The following LRRC70 variants were observed in gnomAD, a reference collection of about 807,000 sequenced individuals.
The protein encoded by LRRC70 is leucine rich repeat containing 70.
LRRC70 carries 31 observed loss-of-function variants against 42.4 expected under a neutral mutation model. The ratio of observed to expected loss-of-function variants is 0.73; its 90% CI spans 0.55 to 0.99. The LOEUF is 0.99. Ranked by LOEUF, LRRC70 falls within the 50% of genes least tolerant of loss-of-function variation. The probability of loss-of-function intolerance (pLI) is 0.00; values close to 1 mark genes in which losing one functional copy is unlikely to be tolerated. For missense variants in LRRC70, 643 were observed against 707.5 expected (o/e 0.91, Z 1.03); for synonymous variants, 270 against 262.9 (o/e 1.03, Z -0.26).
At position 62,580,899 on chromosome 5, in the gene LRRC70, A is replaced by T; in HGVS notation, c.1461A>T (p.Gln487His). 1 of 1,551,364 alleles carries T rather than the reference A, an allele frequency of 6.4e-7. No homozygotes were observed. The highest frequency in any genetic ancestry group is 1.7e-4 in the Middle Eastern group (1 of 5,992). Reference sequence around the variant, plus strand: ...CAGCAGTGTTACCTGTGCAAATACAACTTACTACTTCTGTTACCTTGAACT... The same window carrying T: ...CAGCAGTGTTACCTGTGCAAATACATCTTACTACTTCTGTTACCTTGAACT... ...ETTAVLPVQI[Q>H]LTTSVTLNLE... Residue 487 changes from glutamine (Q) to histidine (H), a missense_variant, in exon 2 of 2, where the codon CAA becomes CAT. Physicochemically the swap from Gln to His is conservative, Grantham distance 24. Transcript: ENST00000334994.
Position 62,580,991 on chromosome 5 carries a change from C to T in LRRC70, c.1553C>T (p.Thr518Ile). The T allele has an allele frequency of 6.4e-7, 1 of 1,551,250 alleles. No homozygotes were observed. Among genetic ancestry groups the T allele is most frequent in the Non-Finnish European group, 8.7e-7 (1 of 1,146,840 alleles). Reference sequence around the variant, plus strand: ...TCAGGGAAAACATCTCTAATTTGTACACAAGAAGTTGAGAAGTTGAATGAG... The same window carrying T: ...TCAGGGAAAACATCTCTAATTTGTATACAAGAAGTTGAGAAGTTGAATGAG... ...SMSGKTSLIC[T>I]QEVEKLNEAF... The change falls in exon 2 of 2, where the codon ACA becomes ATA. Residue 518 changes from threonine (T) to isoleucine (I), a missense_variant. Transcript: ENST00000334994.
chr5:62,579,349 A>G, intron 1 of LRRC70, 52 bp from the exon 2 acceptor site: 1 of 1,170,910 alleles, frequency 8.5e-7, no homozygotes, highest in Non-Finnish European at 1.2e-6. Context: ...TATAAAAAAA[A>G]TTCATTTGAT....
At position 62,580,294 on chromosome 5, in the gene LRRC70, A is replaced by G; in HGVS notation, c.856A>G (p.Asn286Asp). Residue 286 changes from asparagine (N) to aspartate (D), a missense_variant, in exon 2 of 2, where the codon AAT becomes GAT. Coordinates refer to ENST00000334994, the MANE Select transcript of LRRC70 (RefSeq NM_181506.5). ...NNLKHLILSH[N>D]DLENLNSDTF... is the part of the protein sequence containing the mutation. ...TCTTAAACATTTGATCTTAAGTCAT[A>G]ATGATTTAGAGAATTTAAATTCTGA... 6.5e-7 allele frequency: 1 copy of G among 1,538,254 alleles called. No homozygotes were observed. Among genetic ancestry groups the G allele is most frequent in the Non-Finnish European group, 8.8e-7 (1 of 1,134,932 alleles).
At position 62,579,571 on chromosome 5, in the gene LRRC70, A is replaced by C. The variant is rs1189274641; in HGVS notation, c.133A>C (p.Asn45His). The part of the protein sequence containing the change: ...VCQLCTGRQI[N>H]CRNLGLSSIP... Reference sequence around the variant, plus strand: ...TCAGCTCTGCACTGGGAGACAAATTAACTGCCGTAACTTAGGCCTTTCGAG... The same window carrying C: ...TCAGCTCTGCACTGGGAGACAAATTCACTGCCGTAACTTAGGCCTTTCGAG... Residue 45 changes from asparagine to histidine, a missense_variant, in exon 2 of 2, where the codon AAC (asparagine) becomes CAC (histidine). Asn to His is a moderately conservative substitution (Grantham distance 68). Transcript: ENST00000334994. 3 of 1,551,204 alleles carry C rather than the reference A, an allele frequency of 1.9e-6. No individual in the cohort carries two copies. In the South Asian group the frequency reaches 3.6e-5, roughly 18 times the overall value.
rs1037351943 is a variant in LRRC70 at position 62,580,882 on chromosome 5, T to C, written c.1444T>C (p.Leu482=). ...FGNPLETTAV[L]PVQIQLTTSV... ...TAATCCATTAGAGACTACAGCAGTG[T>C]TACCTGTGCAAATACAACTTACTAC... The change falls in exon 2 of 2, where the codon TTA becomes CTA. Residue 482 remains leucine (L), a synonymous_variant. Coordinates refer to ENST00000334994, the MANE Select transcript of LRRC70 (RefSeq NM_181506.5). 15 of 1,551,384 alleles carry C rather than the reference T, an allele frequency of 9.7e-6. No individual in the cohort carries two copies. The highest frequency in any genetic ancestry group is 1.2e-5 in the Non-Finnish European group (14 of 1,146,862).
Position 62,579,452 on chromosome 5 carries a change from A to G in LRRC70, c.14A>G (p.Gln5Arg). The change falls in exon 2 of 2, where the codon CAG (glutamine) becomes CGG (arginine). Residue 5 changes from glutamine (Q) to arginine (R), a missense_variant. Coordinates refer to ENST00000334994, the MANE Select transcript of LRRC70 (RefSeq NM_181506.5). ...AAGAACAGGGATATGTGTGGATTACAGTTTTCTCTGCCTTGCCTACGACTG... is the reference window on the plus strand; with the variant it reads ...AAGAACAGGGATATGTGTGGATTACGGTTTTCTCTGCCTTGCCTACGACTG... MCGL[Q>R]FSLPCLRLFL... 1.9e-6 allele frequency: 3 copies of G among 1,550,816 alleles called. No homozygotes were observed. Among genetic ancestry groups the G allele is most frequent in the Non-Finnish European group, 2.6e-6 (3 of 1,146,356 alleles).
chr5:62,579,941 T>C lies in LRRC70; in HGVS notation c.503T>C (p.Leu168Pro), dbSNP rs1429133966. The C allele has an allele frequency of 6.4e-7, 1 of 1,551,336 alleles. No individual in the cohort carries two copies. The highest frequency in any genetic ancestry group is 1.2e-5 in the South Asian group (1 of 84,056). ...VQYLNLQRNR[L>P]TVLGSGTFVG... ...TACTTAAATCTACAAAGGAATCGCCTCACTGTCCTTGGGAGTGGTACCTTT... is the reference window on the plus strand; with the variant it reads ...TACTTAAATCTACAAAGGAATCGCCCCACTGTCCTTGGGAGTGGTACCTTT... Residue 168 changes from leucine (L) to proline (P), a missense_variant, in exon 2 of 2, where the codon CTC becomes CCC. Transcript: ENST00000334994.
At position 62,580,778 on chromosome 5, in the gene LRRC70, C is replaced by T; in HGVS notation, c.1340C>T (p.Thr447Ile). Reference protein sequence around the residue: ...VTTNGSPLENTETENITFWER... With the variant: ...VTTNGSPLENIETENITFWER... The stretch of plus-strand genomic sequence containing the variant: ...ACAAATGGCAGTCCTCTGGAAAATA[C>T]TGAGACTGAGAACATTACTTTCTGG... Residue 447 changes from threonine (T) to isoleucine (I), a missense_variant, in exon 2 of 2, where the codon ACT (threonine) becomes ATT (isoleucine). By Grantham distance (89) the Thr-to-Ile change is moderately conservative. Transcript: ENST00000334994. 6.4e-7 allele frequency: 1 copy of T among 1,551,426 alleles called. No homozygotes were observed. Among genetic ancestry groups the T allele is most frequent in the Non-Finnish European group, 8.7e-7 (1 of 1,146,852 alleles).
In LRRC70 at chr5:62,580,214, T is replaced by A. The variant is rs1744496465; in HGVS notation, c.776T>A (p.Leu259Gln). Residue 259 changes from leucine (L) to glutamine (Q), a missense_variant, in exon 2 of 2, where the codon CTG becomes CAG. Transcript: ENST00000334994. ...KGLANLEYLLLKNSRIRNVTR... is the reference protein window; with the variant it reads ...KGLANLEYLLQKNSRIRNVTR... Reference sequence around the variant, plus strand: ...CTTGCCAATCTGGAATACCTCCTCCTGAAAAATTCAAGAATTAGGAATGTT... The same window carrying A: ...CTTGCCAATCTGGAATACCTCCTCCAGAAAAATTCAAGAATTAGGAATGTT... 6.4e-7 allele frequency: 1 copy of A among 1,550,852 alleles called. No individual in the cohort carries two copies. The highest frequency in any genetic ancestry group is 1.4e-5 in the African/African-American group (1 of 73,012).
At position 62,581,206 on chromosome 5, in the gene LRRC70, A is replaced by G. The variant is rs767342882; in HGVS notation, c.1768A>G (p.Asn590Asp). 5.2e-6 allele frequency: 8 copies of G among 1,550,856 alleles called. No individual in the cohort carries two copies. The highest frequency in any genetic ancestry group is 1.7e-4 in the Middle Eastern group (1 of 6,006). ...TGCCTCAATTTGTAACACTTCCCCA[A>G]ATTCTCTAGAAAGTCCTGGCTTGGA... is the stretch of plus-strand genomic sequence containing the variant. ...VTASICNTSP[N>D]SLESPGLEQI... The change falls in exon 2 of 2, where the codon AAT becomes GAT. Residue 590 changes from asparagine (N) to aspartate (D), a missense_variant. Asn to Asp is a conservative substitution (Grantham distance 23). Transcript: ENST00000334994.
In LRRC70 at chr5:62,579,701, C is replaced by A. The variant is rs766037655; in HGVS notation, c.263C>A (p.Ala88Glu). 5 of 1,548,230 alleles carry A rather than the reference C, an allele frequency of 3.2e-6. No individual in the cohort carries two copies. Among genetic ancestry groups the A allele is most frequent in the Non-Finnish European group, 4.4e-6 (5 of 1,145,324 alleles). Reference sequence around the variant, plus strand: ...TTAACAGGACTTCATTCTCTTGTAGCATTGTATTTGGATAATTCTAACATT... The same window carrying A: ...TTAACAGGACTTCATTCTCTTGTAGAATTGTATTTGGATAATTCTAACATT... ...SELTGLHSLV[A>E]LYLDNSNILY... is the part of the protein sequence containing the mutation. The change falls in exon 2 of 2, where the codon GCA becomes GAA. Residue 88 changes from alanine to glutamate, a missense_variant. By Grantham distance (107) the Ala-to-Glu change is moderately radical. Transcript: ENST00000334994.
chr5:62,580,983 A>G lies in LRRC70; in HGVS notation c.1545A>G (p.Leu515=), dbSNP rs1252051539. The change falls in exon 2 of 2, where the codon CTA becomes CTG. Residue 515 remains leucine, a synonymous_variant. Coordinates refer to ENST00000334994, the MANE Select transcript of LRRC70 (RefSeq NM_181506.5). ...CTTCAATGTCAGGGAAAACATCTCTAATTTGTACACAAGAAGTTGAGAAGT... is the reference window on the plus strand; with the variant it reads ...CTTCAATGTCAGGGAAAACATCTCTGATTTGTACACAAGAAGTTGAGAAGT... ...DAASMSGKTS[L]ICTQEVEKLN... 6 of 1,551,208 alleles carry G rather than the reference A, an allele frequency of 3.9e-6. No homozygotes were observed. Among genetic ancestry groups the G allele is most frequent in the Admixed American group, 2.0e-5 (1 of 50,956 alleles).
chr5:62,580,625 T>G lies in LRRC70; in HGVS notation c.1187T>G (p.Leu396Ter). ...CCCCCATCCATGCGTGGCAGAGCATTACGTTATATTAACATTACAAATTGT... is the reference window on the plus strand; with the variant it reads ...CCCCCATCCATGCGTGGCAGAGCATGACGTTATATTAACATTACAAATTGT... ...QNPPSMRGRA[L>*]RYINITNCVT... The change falls in exon 2 of 2, where the codon TTA becomes TGA. Residue 396 changes from leucine (L) to a stop codon, truncating the protein, a stop_gained. Transcript: ENST00000334994. LOFTEE classifies it high-confidence loss of function. 1 of 1,551,470 alleles carries G rather than the reference T, an allele frequency of 6.4e-7. No homozygotes were observed. The highest frequency in any genetic ancestry group is 8.7e-7 in the Non-Finnish European group (1 of 1,146,814).
rs1381424849 is a variant in LRRC70 at position 62,580,479 on chromosome 5, G to GT, written c.1043dup (p.Leu348PhefsTer12). 5 of 1,551,318 alleles carry GT rather than the reference G, an allele frequency of 3.2e-6. No homozygotes were observed. The highest frequency in any genetic ancestry group is 4.4e-6 in the Non-Finnish European group (5 of 1,146,782). ...CCTTGCATCCAAGGGTCCTTAAGCC[G>GT]TTGTCTTCATTGATTCATCTTCAGG... On this transcript the variant is annotated frameshift_variant, in exon 2 of 2. Coordinates refer to ENST00000334994, the MANE Select transcript of LRRC70 (RefSeq NM_181506.5). LOFTEE classifies it high-confidence loss of function.
intron 1 of LRRC70, among the ~76,000 whole-genome samples, chr5:62,579,136 G>C (rs574747972): frequency 1.0e-3 from 158 of 152,044 alleles, no homozygotes; most frequent in Non-Finnish European, 1.1e-3. Context: ...CACCTGTGTT[G>C]TAATCAATTG....
rs1002132219 is a variant in LRRC70, at chr5:62,580,627, C to T, written c.1189C>T (p.Arg397Cys). ...CCCATCCATGCGTGGCAGAGCATTA[C>T]GTTATATTAACATTACAAATTGTGT... Reference protein sequence around the residue: ...NPPSMRGRALRYINITNCVTS... With the variant: ...NPPSMRGRALCYINITNCVTS... Residue 397 changes from arginine to cysteine, a missense_variant, in exon 2 of 2, where the codon CGT becomes TGT. Physicochemically the swap from Arg to Cys is radical, Grantham distance 180. Coordinates refer to ENST00000334994, the MANE Select transcript of LRRC70 (RefSeq NM_181506.5). The T allele has an allele frequency of 1.4e-5, 21 of 1,551,296 alleles. No individual in the cohort carries two copies. The highest frequency in any genetic ancestry group is 5.9e-5 in the Admixed American group (3 of 50,960).
rs1432478613 is a variant in LRRC70, at chr5:62,579,382, T to G, written c.-38-19T>G. 6.7e-7 allele frequency: 1 copy of G among 1,493,476 alleles called. No homozygotes were observed. Among genetic ancestry groups the G allele is most frequent in the Admixed American group, 2.0e-5 (1 of 50,836 alleles). 92.5% of individuals were successfully genotyped at this position (1,493,476 alleles called of 1,614,324 possible). ...GATGAAGTTTTCGTGATTTAAAGCTTTACCTTCTCTTTTTATAGCCAATTC... is the reference window on the plus strand; with the variant it reads ...GATGAAGTTTTCGTGATTTAAAGCTGTACCTTCTCTTTTTATAGCCAATTC... On this transcript the variant is annotated intron_variant, in intron 1 of 1. Transcript: ENST00000334994.
In LRRC70 at chr5:62,580,135, CTT is replaced by C; in HGVS notation, c.699_700del (p.Ser234PhefsTer4). 1 of 1,550,950 alleles carries C rather than the reference CTT, an allele frequency of 6.4e-7. No individual in the cohort carries two copies. Among genetic ancestry groups the C allele is most frequent in the Non-Finnish European group, 8.7e-7 (1 of 1,146,458 alleles). ...AFEVLKSLRR[L>X]SLSHNPIEAI... Reference sequence around the variant, plus strand: ...TGAAGTACTTAAAAGTCTTAGAAGACTTTCTTTGTCTCATAATCCTATTGAAG... The same window carrying C: ...TGAAGTACTTAAAAGTCTTAGAAGACTCTTTGTCTCATAATCCTATTGAAG... On this transcript the variant is annotated frameshift_variant, in exon 2 of 2. Coordinates refer to ENST00000334994, the MANE Select transcript of LRRC70 (RefSeq NM_181506.5). LOFTEE classifies it high-confidence loss of function.
In LRRC70 at chr5:62,581,110, GCAT is replaced by G. The variant is rs1744541657; in HGVS notation, c.1675_1677del (p.Ser559del). On this transcript the variant is annotated inframe_deletion, in exon 2 of 2. Transcript: ENST00000334994. ...TGTTCAGTTTAAACAAAAACTAAAG[GCAT>G]CAGAAAACTCAAGGGAAAATAGACT... The G allele has an allele frequency of 6.5e-7, 1 of 1,549,126 alleles. No individual in the cohort carries two copies. Among genetic ancestry groups the G allele is most frequent in the Non-Finnish European group, 8.7e-7 (1 of 1,146,356 alleles).
Sources: gnomAD v4.1 joint callset for allele counts (sites outside exome capture counted in the v4.1 genomes callset) on GRCh38, gnomAD v4.1.1 for gene constraint, MANE v1.5 for transcripts, NCBI Gene and HGNC (gene_info 2026-07-23, HGNC 2026-07-21) for gene names.